The following ZNF516 variants were observed in gnomAD, a reference collection of about 807,000 sequenced individuals.
ZNF516 encodes the protein zinc finger protein 516.
A neutral mutation model predicts 79.7 loss-of-function variants in ZNF516; 19 were observed. The ratio of observed to expected loss-of-function variants is 0.24; its 90% CI spans 0.17 to 0.35. ZNF516 has a LOEUF of 0.35. Among genes scored for constraint, ZNF516 ranks in the 10% least tolerant of loss-of-function variants. ZNF516 has a pLI of 1.00. For synonymous variants in ZNF516, 877 were observed against 739.5 expected, an observed-to-expected ratio of 1.19 and a Z score of -3.02; for missense variants, 1,678 against 1,679.5, an observed-to-expected ratio of 1.00 and a Z score of 0.02.
intron 3 of ZNF516, among the ~76,000 whole-genome samples, chr18:76,401,656 G>A (rs1019080272): frequency 2.0e-5 from 3 of 151,210 alleles, no homozygotes; most frequent in Admixed American, 1.3e-4. Context: ...CACTCCTGGG[G>A]CAAGGTGAGC....
chr18:76,461,670 G>C (rs957739296), intron 2 of ZNF516, among the ~76,000 whole-genome samples: 1 of 152,244 alleles, frequency 6.6e-6, no homozygotes, highest in Non-Finnish European at 1.5e-5. Flanking sequence ...ATGGGCGCCT[G>C]GCACACAGTG....
chr18:76,415,823 G>A (rs2075426382), intron 3 of ZNF516, among the ~76,000 whole-genome samples: 1 of 152,206 alleles, frequency 6.6e-6, no homozygotes, highest in Non-Finnish European at 1.5e-5. Flanking sequence ...CTCAGGTTCC[G>A]TGAGGCATAA....
At chr18:76,392,170 G>A (rs2075083315) in intron 3 of ZNF516, among the ~76,000 whole-genome samples, 2 of 152,214 alleles carry the variant, frequency 1.3e-5, no homozygotes, top group African/African-American at 4.8e-5. Context: ...CCAGGGCTCA[G>A]GGTGGCCTTT....
intron 1 of ZNF516, among the ~76,000 whole-genome samples, chr18:76,465,141 T>C (rs1453784987): frequency 6.6e-6 from 1 of 152,244 alleles, no homozygotes; most frequent in Non-Finnish European, 1.5e-5. Context: ...CTGCTGGACA[T>C]CGTGTCTTCA....
At chr18:76,385,067 C>A (rs1298078652) in intron 3 of ZNF516, among the ~76,000 whole-genome samples, 1 of 152,224 alleles carries the variant, frequency 6.6e-6, no homozygotes, top group Non-Finnish European at 1.5e-5. Context: ...GAGGAGGCAG[C>A]CGGGTCCGAG....
chr18:76,453,557 A>G (rs145044348), intron 2 of ZNF516, among the ~76,000 whole-genome samples: 1 of 152,348 alleles, frequency 6.6e-6, no homozygotes, highest in East Asian at 1.9e-4. Flanking sequence ...AAAACTCATC[A>G]ATTTCTATCT....
intron 6 of ZNF516, among the ~76,000 whole-genome samples, chr18:76,363,245 A>G (rs1356670643): frequency 6.6e-6 from 1 of 152,254 alleles, no homozygotes; most frequent in Non-Finnish European, 1.5e-5. Flanking sequence ...GTATGGCCAG[A>G]TTAATCTTAC....
intron 3 of ZNF516, chr18:76,389,164 T>A (rs2075033606): frequency 6.6e-6 from 1 of 151,960 alleles, no homozygotes. Flanking sequence ...ATGACAGCCT[T>A]GCAGGTGGCA....
chr18:76,407,607 C>A (rs1339541630), intron 3 of ZNF516, among the ~76,000 whole-genome samples: 1 of 152,362 alleles, frequency 6.6e-6, no homozygotes. Context: ...ACTCGTCCAC[C>A]ACCAAGCATC....
At chr18:76,439,565 C>G (rs911323763) in intron 3 of ZNF516, among the ~76,000 whole-genome samples, 13 of 152,090 alleles carry the variant, frequency 8.5e-5, no homozygotes, top group African/African-American at 3.1e-4. Context: ...ACAGTAGTCT[C>G]TAAAATTTAA....
At chr18:76,435,699 C>T (rs2075723607) in intron 3 of ZNF516, among the ~76,000 whole-genome samples, 1 of 152,232 alleles carries the variant, frequency 6.6e-6, no homozygotes. Flanking sequence ...ACGAAAGGAA[C>T]TCCTCAGAAC....
intron 3 of ZNF516, among the ~76,000 whole-genome samples, chr18:76,414,314 T>C (rs766697045): frequency 3.8e-4 from 58 of 152,238 alleles, no homozygotes; most frequent in Non-Finnish European, 1.5e-4. Flanking sequence ...AATAATCTTA[T>C]TTAAAGTTGG....
At chr18:76,363,116 T>G (rs974222348) in intron 6 of ZNF516, among the ~76,000 whole-genome samples, 1 of 152,196 alleles carries the variant, frequency 6.6e-6, no homozygotes, top group Non-Finnish European at 1.5e-5. Context: ...TATTCTAAAG[T>G]GAACTGCGAG....
At chr18:76,396,722 A>C (rs1384784670) in intron 3 of ZNF516, among the ~76,000 whole-genome samples, 2 of 152,194 alleles carry the variant, frequency 1.3e-5, no homozygotes, top group Admixed American at 6.5e-5. Flanking sequence ...CCCTGGAAAG[A>C]TATTCAAGCT....
intron 3 of ZNF516, among the ~76,000 whole-genome samples, chr18:76,415,692 C>T (rs1259396894): frequency 6.6e-6 from 1 of 152,178 alleles, no homozygotes; most frequent in African/African-American, 2.4e-5. Flanking sequence ...AAGAATGCTT[C>T]TAAATACAAG....
At chr18:76,490,719 G>A (rs1915126323) in intron 1 of ZNF516, 1 of 961,438 alleles carries the variant, frequency 1.0e-6, no homozygotes, top group South Asian at 4.8e-5. Flanking sequence ...AGGCTGACGG[G>A]GGCAATGCCT....
intron 2 of ZNF516, among the ~76,000 whole-genome samples, chr18:76,448,403 A>G (rs1041887663): frequency 6.6e-6 from 1 of 152,228 alleles, no homozygotes; most frequent in African/African-American, 2.4e-5. Context: ...TTTTGACCTA[A>G]TAATACAGAG....
intron 1 of ZNF516, among the ~76,000 whole-genome samples, chr18:76,470,487 A>T (rs755079017): frequency 6.6e-6 from 1 of 152,214 alleles, no homozygotes; most frequent in Non-Finnish European, 1.5e-5. Flanking sequence ...AGGAGCCCTT[A>T]TATCAATGAG....
chr18:76,385,371 C>A (rs2074970372), intron 3 of ZNF516, among the ~76,000 whole-genome samples: 1 of 152,248 alleles, frequency 6.6e-6, no homozygotes, highest in South Asian at 2.1e-4. Flanking sequence ...GTCCCTGAGG[C>A]AACATCTTCA....
Sources: gnomAD v4.1 joint callset for allele counts (sites outside exome capture counted in the v4.1 genomes callset) on GRCh38, gnomAD v4.1.1 for gene constraint, MANE v1.5 for transcripts, NCBI Gene and HGNC (gene_info 2026-07-23, HGNC 2026-07-21) for gene names.